KDM2A: variants seen among roughly 807,000 people sequenced by gnomAD.
The protein encoded by KDM2A is lysine-specific demethylase 2A.
A neutral mutation model predicts 137.3 loss-of-function variants in KDM2A; 3 were observed. The observed-to-expected ratio is 0.02, with a 90% CI of 0.01 to 0.06. The LOEUF (loss-of-function observed/expected upper bound fraction) is 0.06, where lower values mean the gene tolerates loss of function less well. Among genes scored for constraint, KDM2A ranks in the 10% least tolerant of loss-of-function variants. The pLI, the probability that KDM2A is intolerant of heterozygous loss-of-function variation, is 1.00. For synonymous variants in KDM2A, 512 were observed against 541.5 expected (o/e 0.95, Z 0.76); for missense variants, 738 against 1,510.6 (o/e 0.49, Z 8.48).
chr11:67,127,738 G>A (rs757421080), intron 2 of KDM2A, among the ~76,000 whole-genome samples: 7 of 151,850 alleles, frequency 4.6e-5, no homozygotes, highest in Non-Finnish European at 8.8e-5. Flanking sequence ...ATGGAGTTTT[G>A]CTCTTGTTGC....
At position 67,245,215 on chromosome 11, in the gene KDM2A, G is replaced by A; in HGVS notation, c.1590G>A (p.Val530=). 1.9e-6 allele frequency: 3 copies of A among 1,613,840 alleles called. No homozygotes were observed. Among genetic ancestry groups the A allele is most frequent in the East Asian group, 2.2e-5 (1 of 44,888 alleles). Residue 530 remains valine (V), a synonymous_variant, in exon 14 of 21, where the codon GTG becomes GTA. Transcript: ENST00000529006. The surrounding 1 kb of genome is among the most constrained non-coding windows in gnomAD (Gnocchi z 4.1). The part of the protein sequence containing the change: ...DKLKFPTRPK[V]RVPTIPITKP... Reference sequence around the variant, plus strand: ...TTAAATTCCCCACTCGGCCAAAGGTGCGGGTTCCTACCATCCCCATTACGA... The same window carrying A: ...TTAAATTCCCCACTCGGCCAAAGGTACGGGTTCCTACCATCCCCATTACGA...
chr11:67,136,813 C>T (rs994749313), intron 2 of KDM2A, among the ~76,000 whole-genome samples: 23 of 152,252 alleles, frequency 1.5e-4, no homozygotes, highest in African/African-American at 5.3e-4. Flanking sequence ...CTCTGGCTTA[C>T]AGTAATGGAT....
At chr11:67,218,767 T>C (rs182069630) in intron 9 of KDM2A, among the ~76,000 whole-genome samples, 57 of 152,204 alleles carry the variant, frequency 3.7e-4, no homozygotes, top group Admixed American at 2.5e-3. Flanking sequence ...TGCACCACCA[T>C]GCCCAGCTAA....
At position 67,142,194 on chromosome 11, in the gene KDM2A, G is replaced by A. The variant is rs1020068645; in HGVS notation, c.42+20836G>A. Reference sequence around the variant, plus strand: ...ATGGTTTACAGGTGTGCATCACCACGCCCGGCTAATTTCTGCATTTTTAGT... The same window carrying A: ...ATGGTTTACAGGTGTGCATCACCACACCCGGCTAATTTCTGCATTTTTAGT... On this transcript the variant is annotated intron_variant, in intron 2 of 20. Coordinates refer to ENST00000529006, the MANE Select transcript of KDM2A (RefSeq NM_012308.3). Among the ~76,000 whole-genome samples, 6 of 151,816 alleles carry A rather than the reference G, an allele frequency of 4.0e-5. No individual in the cohort carries two copies. In the East Asian group the frequency reaches 5.9e-4, roughly 15 times the overall value.
intron 5 of KDM2A, among the ~76,000 whole-genome samples, chr11:67,192,968 G>C (rs1590767184): frequency 1.3e-5 from 2 of 152,176 alleles, no homozygotes; most frequent in Admixed American, 6.5e-5. Flanking sequence ...GATATTATGA[G>C]ATATTCATTT....
intron 6 of KDM2A, among the ~76,000 whole-genome samples, chr11:67,208,205 TAAATTTTA>T (rs974737136): frequency 2.0e-5 from 3 of 151,560 alleles, no homozygotes; most frequent in Admixed American, 1.3e-4. Flanking sequence ...GAAATCATAA[TAAATTTTA>T]AAATTTTAAA....
At chr11:67,215,738 G>C (rs554653526) in intron 7 of KDM2A, 118 bp from the exon 8 acceptor site, 14 of 783,588 alleles carry the variant, frequency 1.8e-5, no homozygotes, top group Non-Finnish European at 3.0e-5. Flanking sequence ...TTCTCCTTCT[G>C]GAACTTAAGA....
In KDM2A at chr11:67,207,532, C is replaced by G; in HGVS notation, c.330C>G (p.Val110=). 1.2e-6 allele frequency: 2 copies of G among 1,608,962 alleles called. No homozygotes were observed. The highest frequency in any genetic ancestry group is 1.7e-6 in the Non-Finnish European group (2 of 1,176,740). The change falls in exon 6 of 21, where the codon GTC becomes GTG. Residue 110 remains valine (V), a synonymous_variant. Transcript: ENST00000529006. Reference sequence around the variant, plus strand: ...CAGGGAGTCGTCGCATGGTGGATGTCATGGACGTGAACACACAGAAAGGCA... The same window carrying G: ...CAGGGAGTCGTCGCATGGTGGATGTGATGGACGTGAACACACAGAAAGGCA... The part of the protein sequence containing the change: ...MCVGSRRMVD[V]MDVNTQKGIE...
chr11:67,166,726 C>T (rs181969992), intron 2 of KDM2A, among the ~76,000 whole-genome samples: 27 of 152,024 alleles, frequency 1.8e-4, no homozygotes, highest in African/African-American at 6.5e-4. Context: ...GACCTCCCAG[C>T]AACTGGGGAC....
intron 9 of KDM2A, among the ~76,000 whole-genome samples, chr11:67,218,999 T>A (rs187164420): frequency 3.3e-4 from 50 of 152,368 alleles, no homozygotes; most frequent in Admixed American, 1.1e-3. Flanking sequence ...AATTGTAAAC[T>A]ATCTTGTACA....
chr11:67,220,234 A>G lies in KDM2A; in HGVS notation c.957+831A>G, dbSNP rs189858410. 4.6e-4 allele frequency among the ~76,000 whole-genome samples: 69 copies of G among 151,120 alleles called. No individual in the cohort carries two copies. The East Asian group carries it at 0.013, about 28-fold the overall frequency. On this transcript the variant is annotated intron_variant, in intron 10 of 20. Transcript: ENST00000529006. Reference sequence around the variant, plus strand: ...GCTGTGTTGCCCAGGCTTGTCTTGAACTCCTGGGCTCAAGTGATCTGCCCG... The same window carrying G: ...GCTGTGTTGCCCAGGCTTGTCTTGAGCTCCTGGGCTCAAGTGATCTGCCCG...
chr11:67,250,588 T>C lies in KDM2A; in HGVS notation c.2558T>C (p.Leu853Pro), dbSNP rs1319404620. The C allele has an allele frequency of 6.2e-7, 1 of 1,612,132 alleles. No homozygotes were observed. The highest frequency in any genetic ancestry group is 1.1e-5 in the South Asian group (1 of 90,976). ...RTPQRGDEEG[L>P]GGEEEEEEEE... ...CCCCAGCGTGGGGATGAGGAGGGGCTGGGGGGAGAGGAGGAGGAAGAGGAG... is the reference window on the plus strand; with the variant it reads ...CCCCAGCGTGGGGATGAGGAGGGGCCGGGGGGAGAGGAGGAGGAAGAGGAG... The change falls in exon 17 of 21, where the codon CTG (leucine) becomes CCG (proline). Residue 853 changes from leucine (L) to proline (P), a missense_variant. This residue lies in a region of KDM2A where 244 missense variants were observed against 324.6 expected (regional missense o/e 0.75). Transcript: ENST00000529006. The surrounding 1 kb of genome is among the most constrained non-coding windows in gnomAD (Gnocchi z 7.1).
At chr11:67,176,133 C>T (rs959997794) in intron 2 of KDM2A, among the ~76,000 whole-genome samples, 4 of 152,146 alleles carry the variant, frequency 2.6e-5, no homozygotes, top group African/African-American at 7.2e-5. Flanking sequence ...AGAGAGTGTT[C>T]TAAGGCTTTT....
At position 67,250,739 on chromosome 11, in the gene KDM2A, C is replaced by A; in HGVS notation, c.2709C>A (p.Arg903=). ...MQREVWMSVF[R]YLSRRELCEC... Reference sequence around the variant, plus strand: ...GGGAGGTCTGGATGTCTGTCTTCCGCTACCTCAGCCGCAGAGAACTTTGTG... The same window carrying A: ...GGGAGGTCTGGATGTCTGTCTTCCGATACCTCAGCCGCAGAGAACTTTGTG... Residue 903 remains arginine, a synonymous_variant, in exon 17 of 21, where the codon CGC becomes CGA. Coordinates refer to ENST00000529006, the MANE Select transcript of KDM2A (RefSeq NM_012308.3). The surrounding 1 kb of genome is among the most constrained non-coding windows in gnomAD (Gnocchi z 7.1). 1 of 1,553,978 alleles carries A rather than the reference C, an allele frequency of 6.4e-7. No homozygotes were observed. Among genetic ancestry groups the A allele is most frequent in the Admixed American group, 1.9e-5 (1 of 52,406 alleles).
intron 12 of KDM2A, among the ~76,000 whole-genome samples, chr11:67,240,880 C>G (rs2136441737): frequency 6.6e-6 from 1 of 152,308 alleles, no homozygotes; most frequent in African/African-American, 2.4e-5. Context: ...CACACCCACA[C>G]ATACCCCAGT....
intron 2 of KDM2A, among the ~76,000 whole-genome samples, chr11:67,124,918 C>G (rs1184176173): frequency 8.0e-5 from 12 of 150,122 alleles, no homozygotes; most frequent in Admixed American, 3.3e-4. Flanking sequence ...AGTGCAGTGG[C>G]TCGATCTTGG....
intron 3 of KDM2A, among the ~76,000 whole-genome samples, chr11:67,180,982 T>A (rs892872309): frequency 6.8e-6 from 1 of 148,142 alleles, no homozygotes; most frequent in East Asian, 2.0e-4. Flanking sequence ...TTTTTTTAAC[T>A]CTTCAGAGAC....
rs1855551229 is a variant in KDM2A at position 67,119,627 on chromosome 11, G to A, written c.-506G>A. ...CGGGGCCGGGGCCCGCGTTCCGGGG[G>A]GCCGGGGCGGCGCGGGGAGCCTCGG... On this transcript the variant is annotated 5_prime_UTR_variant, in exon 1 of 21. Coordinates refer to ENST00000529006, the MANE Select transcript of KDM2A (RefSeq NM_012308.3). 6.7e-6 allele frequency: 1 copy of A among 149,152 alleles called. No individual in the cohort carries two copies. The allele number at this position is 149,152 out of a possible 1,614,324, so 9.2% of individuals were successfully genotyped here.
At chr11:67,181,508 T>C in intron 4 of KDM2A, 110 bp downstream of exon 4, 4 of 698,204 alleles carry the variant, frequency 5.7e-6, no homozygotes, top group Non-Finnish European at 9.6e-6. Flanking sequence ...TGAAAATAAT[T>C]TCCCACTTTG....
Sources: gnomAD v4.1 joint callset for allele counts (sites outside exome capture counted in the v4.1 genomes callset) on GRCh38, gnomAD v4.1.1 for gene constraint, gnomAD v4.1.1 regional missense constraint, Gnocchi (gnomAD v3.1) non-coding constraint, MANE v1.5 for transcripts, NCBI Gene and HGNC (gene_info 2026-07-23, HGNC 2026-07-21) for gene names.